TBC1D8B: variants seen among roughly 807,000 people sequenced by gnomAD.
TBC1D8B encodes the protein TBC1 domain family member 8B, also known as RP11-321G1.1.
In TBC1D8B, 75 loss-of-function variants were observed where a neutral mutation model predicts 82.9. The ratio of observed to expected loss-of-function variants is 0.90; its 90% CI spans 0.75 to 1.10. TBC1D8B has a LOEUF of 1.10. TBC1D8B is among the 50% of genes least tolerant of loss of function. The pLI, the probability that TBC1D8B is intolerant of heterozygous loss-of-function variation, is 0.00. For missense variants in TBC1D8B, 794 were observed against 796.9 expected (o/e 1.00, Z 0.04); for synonymous variants, 276 against 276.8 (o/e 1.00, Z 0.03).
intron 10 of TBC1D8B, among the ~76,000 whole-genome samples, chrX:106,845,763 C>T (rs1932428513): frequency 9.0e-6 from 1 of 110,971 alleles, no homozygotes; most frequent in Admixed American, 9.6e-5. Flanking sequence ...CCCCACTTTT[C>T]TTTTAACACT....
chrX:106,844,974 C>A (rs182740196), intron 10 of TBC1D8B, among the ~76,000 whole-genome samples: 1 of 110,654 alleles, frequency 9.0e-6, no homozygotes, highest in Admixed American at 9.6e-5. Context: ...TTTAGAAACT[C>A]GTCCATTTTA....
Position 106,821,977 on chromosome X carries a change from G to T in TBC1D8B, c.361G>T (p.Gly121Ter). 1 of 1,203,038 alleles carries T rather than the reference G, an allele frequency of 8.3e-7. No individual in the cohort carries two copies. The highest frequency in any genetic ancestry group is 1.1e-6 in the Non-Finnish European group (1 of 889,337). The change falls in exon 4 of 21, where the codon GGA becomes TGA. Residue 121 changes from glycine to a stop codon, truncating the protein, a stop_gained and splice_region_variant. Coordinates refer to ENST00000357242, the MANE Select transcript of TBC1D8B (RefSeq NM_017752.3). LOFTEE classifies it high-confidence loss of function. ...ITNFVQGKIR[G>*]LIAEEGKHCF... is the part of the protein sequence containing the mutation. ...TCAGAAAATATTTTGTCTCCTTTAG[G>T]GATTAATTGCTGAAGAGGGAAAACA...
At position 106,843,094 on chromosome X, in the gene TBC1D8B, A is replaced by G. The variant is rs373438902; in HGVS notation, c.1719+2210A>G. On this transcript the variant is annotated intron_variant, in intron 10 of 20. Transcript: ENST00000357242. Reference sequence around the variant, plus strand: ...TACCACATTTTGTTTATTCAATGTTAATAGTTATTTGAGATGTTTTCTTGT... The same window carrying G: ...TACCACATTTTGTTTATTCAATGTTGATAGTTATTTGAGATGTTTTCTTGT... Among the ~76,000 whole-genome samples the G allele has an allele frequency of 2.6e-3, 286 of 111,744 alleles. 3 individuals are homozygous for G. The highest frequency in any genetic ancestry group is 8.8e-3 in the African/African-American group (270 of 30,841).
rs138563507 is a variant in TBC1D8B at position 106,853,443 on chromosome X, G to T, written c.2124-78G>T. ...GTTGAAAGTAACCTCTAACTAACTAGGGAGAAATTATGTGTCATTTCTCTG... is the reference window on the plus strand; with the variant it reads ...GTTGAAAGTAACCTCTAACTAACTATGGAGAAATTATGTGTCATTTCTCTG... On this transcript the variant is annotated intron_variant, in intron 12 of 20. Coordinates refer to ENST00000357242, the MANE Select transcript of TBC1D8B (RefSeq NM_017752.3). The T allele has an allele frequency of 1.9e-4, 196 of 1,013,366 alleles. 2 individuals are homozygous for T. In the African/African-American group the frequency reaches 3.4e-3, roughly 18 times the overall value. The allele number at this position is 1,013,366 out of a possible 1,213,427, so 83.5% of individuals were successfully genotyped here.
At chrX:106,860,932 C>T (rs1602435490) in intron 14 of TBC1D8B, among the ~76,000 whole-genome samples, 1 of 111,942 alleles carries the variant, frequency 8.9e-6, no homozygotes, top group South Asian at 3.7e-4. Flanking sequence ...TATCTTTATT[C>T]TCATTAGTTT....
At chrX:106,849,631 A>G in intron 11 of TBC1D8B, 1 of 872,290 alleles carries the variant, frequency 1.1e-6, no homozygotes, top group Non-Finnish European at 1.4e-6. Flanking sequence ...TAAATTTTTG[A>G]TAATCAAAAT....
chrX:106,850,339 T>A, intron 12 of TBC1D8B, 29 bp downstream of exon 12: 1 of 1,139,314 alleles, frequency 8.8e-7, no homozygotes, highest in Non-Finnish European at 1.2e-6. Flanking sequence ...CATTTAAATC[T>A]GGAGGAGATT....
At chrX:106,844,308 C>A (rs186895392) in intron 10 of TBC1D8B, among the ~76,000 whole-genome samples, 2 of 109,173 alleles carry the variant, frequency 1.8e-5, no homozygotes, top group Admixed American at 9.9e-5. Context: ...AGTAATCAGT[C>A]TTTCACCATA....
chrX:106,857,243 C>T (rs1173222219), intron 14 of TBC1D8B, among the ~76,000 whole-genome samples: 1 of 110,954 alleles, frequency 9.0e-6, no homozygotes, highest in Admixed American at 9.6e-5. Context: ...ACCTCCACCT[C>T]CTGGGTTCAA....
At chrX:106,854,571 T>C (rs1034785445) in intron 14 of TBC1D8B, among the ~76,000 whole-genome samples, 1 of 110,958 alleles carries the variant, frequency 9.0e-6, no homozygotes, top group Non-Finnish European at 1.9e-5. Context: ...TGGAGTGCAG[T>C]GGCATGATCG....
At chrX:106,818,548 A>G (rs1365226548) in intron 1 of TBC1D8B, 115 bp from the exon 2 acceptor site, 25 of 437,161 alleles carry the variant, frequency 5.7e-5, no homozygotes, top group Non-Finnish European at 8.0e-5. Context: ...CTCTGTAAGG[A>G]CTCTATGGGC....
intron 1 of TBC1D8B, among the ~76,000 whole-genome samples, chrX:106,816,624 C>A (rs936247458): frequency 9.1e-5 from 9 of 99,113 alleles, no homozygotes; most frequent in African/African-American, 3.0e-4. Flanking sequence ...AGCTTCAATT[C>A]ATACTTGAAC....
intron 2 of TBC1D8B, among the ~76,000 whole-genome samples, chrX:106,820,398 A>T (rs1483138493): frequency 9.0e-6 from 1 of 111,433 alleles, no homozygotes; most frequent in African/African-American, 3.2e-5. Flanking sequence ...CTTCTGAAAT[A>T]AGTAGAGTGG....
intron 18 of TBC1D8B, among the ~76,000 whole-genome samples, chrX:106,869,153 C>G (rs929371090): frequency 9.0e-6 from 1 of 111,319 alleles, no homozygotes; most frequent in African/African-American, 3.3e-5. Flanking sequence ...ACTCTTCTGA[C>G]GTCCAGTATG....
chrX:106,807,507 A>G (rs1931226961), intron 1 of TBC1D8B, among the ~76,000 whole-genome samples: 1 of 105,340 alleles, frequency 9.5e-6, no homozygotes, highest in Non-Finnish European at 1.9e-5. Flanking sequence ...TGCATACCTA[A>G]GTAGAAAACT....
chrX:106,847,829 C>A lies in TBC1D8B; in HGVS notation c.1720-357C>A, dbSNP rs781422916. ...GGTAGTTGGAAATACAGATGAAGTT[C>A]GTTTTCTTTCGTTTTAGTATGTCTT... On this transcript the variant is annotated intron_variant, in intron 10 of 20. Coordinates refer to ENST00000357242, the MANE Select transcript of TBC1D8B (RefSeq NM_017752.3). Among the ~76,000 whole-genome samples, 24 of 111,177 alleles carry A rather than the reference C, an allele frequency of 2.2e-4. No individual in the cohort carries two copies. In the East Asian group the frequency reaches 6.8e-3, roughly 32 times the overall value.
chrX:106,826,984 A>T (rs776216321), intron 6 of TBC1D8B, among the ~76,000 whole-genome samples, 186 bp from the exon 7 acceptor site: 1 of 111,528 alleles, frequency 9.0e-6, no homozygotes, highest in Non-Finnish European at 1.9e-5. Flanking sequence ...TTTTCTTGAG[A>T]AGTGAAATAA....
intron 6 of TBC1D8B, among the ~76,000 whole-genome samples, chrX:106,826,473 G>A (rs1052865545): frequency 3.6e-5 from 4 of 109,732 alleles, no homozygotes; most frequent in Non-Finnish European, 5.7e-5. Context: ...TGCACAATGT[G>A]CAGGTTAGTT....
chrX:106,834,795 C>T (rs776251110), intron 7 of TBC1D8B, among the ~76,000 whole-genome samples: 1 of 112,150 alleles, frequency 8.9e-6, no homozygotes, highest in South Asian at 3.7e-4. Flanking sequence ...AAATGGTCTC[C>T]TTTGACTCCA....
Sources: gnomAD v4.1 joint callset for allele counts (sites outside exome capture counted in the v4.1 genomes callset) on GRCh38, gnomAD v4.1.1 for gene constraint, MANE v1.5 for transcripts, NCBI Gene and HGNC (gene_info 2026-07-23, HGNC 2026-07-21) for gene names.